PLCG2: variants seen among roughly 807,000 people sequenced by gnomAD.
The protein encoded by PLCG2 is 1-phosphatidylinositol 4,5-bisphosphate phosphodiesterase gamma-2.
A neutral mutation model predicts 175.6 loss-of-function variants in PLCG2; 69 were observed. The observed-to-expected ratio is 0.39, with a 90% CI of 0.32 to 0.48. PLCG2 has a LOEUF of 0.48. PLCG2 is among the 20% of genes least tolerant of loss of function. The pLI is 0.91. For missense variants in PLCG2, 1,798 were observed against 1,650.9 expected (o/e 1.09, Z -1.54); for synonymous variants, 827 against 624.0 (o/e 1.33, Z -4.85).
intron 2 of PLCG2, among the ~76,000 whole-genome samples, chr16:81,769,202 A>T (rs1220423286): frequency 6.6e-6 from 1 of 152,124 alleles, no homozygotes; most frequent in Non-Finnish European, 1.5e-5. Flanking sequence ...GTCTTTCTGA[A>T]ATGGTTGCCG....
At chr16:81,789,046 G>C (rs766777664) in intron 2 of PLCG2, among the ~76,000 whole-genome samples, 1 of 152,200 alleles carries the variant, frequency 6.6e-6, no homozygotes, top group Non-Finnish European at 1.5e-5. Context: ...TGTAAGTATA[G>C]GGTATTAACC....
intron 1 of PLCG2, chr16:81,783,147 T>A: frequency 2.0e-6 from 1 of 491,156 alleles, no homozygotes; most frequent in Non-Finnish European, 4.1e-6. Flanking sequence ...GGTGTTATAA[T>A]GGGGCTTGTG....
intron 31 of PLCG2, among the ~76,000 whole-genome samples, chr16:81,955,725 A>G (rs1911540474): frequency 1.3e-5 from 2 of 152,180 alleles, no homozygotes; most frequent in Non-Finnish European, 2.9e-5. Context: ...AAGAAACTCT[A>G]CCAAGAGCAC....
At chr16:81,781,115 T>C (rs1259052118) in intron 1 of PLCG2, among the ~76,000 whole-genome samples, 1 of 152,196 alleles carries the variant, frequency 6.6e-6, no homozygotes, top group Non-Finnish European at 1.5e-5. Context: ...GCCCGTTACA[T>C]CATCAGTTAA....
chr16:81,861,614 G>C (rs1387993217), intron 5 of PLCG2, among the ~76,000 whole-genome samples: 2 of 152,296 alleles, frequency 1.3e-5, no homozygotes, highest in Non-Finnish European at 2.9e-5. Context: ...TGAGGTGCTT[G>C]TGTTGGAAGA....
chr16:81,836,310 G>T (rs1011111144), intron 2 of PLCG2, among the ~76,000 whole-genome samples: 3 of 152,188 alleles, frequency 2.0e-5, no homozygotes, highest in Non-Finnish European at 4.4e-5. Context: ...TGGATCTCCT[G>T]GTGCCCTGTA....
intron 5 of PLCG2, among the ~76,000 whole-genome samples, chr16:81,868,789 A>C (rs56314015): frequency 0.097 from 14,735 of 152,268 alleles, 771 homozygotes; most frequent in Middle Eastern, 0.16. Context: ...CTCCTGCAAG[A>C]CCTTCCTCCA....
In PLCG2 at chr16:81,895,919, T is replaced by A; in HGVS notation, c.1185T>A (p.Val395=). 1.2e-6 allele frequency: 2 copies of A among 1,614,030 alleles called. No individual in the cohort carries two copies. The highest frequency in any genetic ancestry group is 1.7e-6 in the Non-Finnish European group (2 of 1,179,986). ...VVQAIKDHAF[V]TSSFPVILSI... The stretch of plus-strand genomic sequence containing the variant: ...AGGCCATCAAAGACCACGCCTTTGT[T>A]ACCTCGAGGTCAGTTGGCTGATTTC... The change falls in exon 13 of 33, where the codon GTT becomes GTA. Residue 395 remains valine, a synonymous_variant. Transcript: ENST00000564138.
At chr16:81,919,176 T>C (rs1186774321) in intron 19 of PLCG2, among the ~76,000 whole-genome samples, 1 of 152,236 alleles carries the variant, frequency 6.6e-6, no homozygotes, top group Admixed American at 6.5e-5. Context: ...TGGCCTACTC[T>C]TGACCTAGTT....
chr16:81,936,912 A>G (rs1910739062), intron 27 of PLCG2, among the ~76,000 whole-genome samples: 1 of 152,162 alleles, frequency 6.6e-6, no homozygotes, highest in South Asian at 2.1e-4. Context: ...ACAGAATGGA[A>G]CAATCATTTA....
upstream of PLCG2, among the ~76,000 whole-genome samples, chr16:81,774,337 A>C (rs2143116731): frequency 6.6e-6 from 1 of 151,992 alleles, no homozygotes; most frequent in South Asian, 2.1e-4. Flanking sequence ...GCAGTAAAAA[A>C]AACAAAACAA....
chr16:81,915,862 A>T (rs1006064841), intron 19 of PLCG2, among the ~76,000 whole-genome samples: 4 of 152,188 alleles, frequency 2.6e-5, no homozygotes, highest in Non-Finnish European at 5.9e-5. Flanking sequence ...TTGCAGGAGG[A>T]TATTCTCTCT....
intron 30 of PLCG2, among the ~76,000 whole-genome samples, chr16:81,941,533 A>T (rs141615226): frequency 4.6e-5 from 7 of 151,956 alleles, no homozygotes; most frequent in South Asian, 4.1e-4. Flanking sequence ...TAGATGAAAC[A>T]AGACTTTGGG....
intron 31 of PLCG2, 59 bp downstream of exon 31, chr16:81,946,322 A>C: frequency 8.1e-7 from 1 of 1,240,386 alleles, no homozygotes; most frequent in Non-Finnish European, 1.2e-6. Flanking sequence ...TGAGGGTAGA[A>C]ACGGCCCGTG....
intron 14 of PLCG2, among the ~76,000 whole-genome samples, chr16:81,904,293 G>C (rs372573745): frequency 3.5e-4 from 54 of 152,306 alleles, no homozygotes; most frequent in African/African-American, 1.0e-3. Context: ...AGACTCTGAT[G>C]ATGACTCAGC....
At chr16:81,779,917 C>G (rs912962685) in intron 1 of PLCG2, among the ~76,000 whole-genome samples, 10 of 152,224 alleles carry the variant, frequency 6.6e-5, no homozygotes, top group African/African-American at 2.4e-4. Context: ...TTTTGGAGAG[C>G]TTGCAGGACA....
chr16:81,959,393 A>G lies in PLCG2; in HGVS notation c.*1395A>G, dbSNP rs926119992. ...AAGATCCTTCTGGTCCCTTCACTCT[A>G]CAAAAACTTACTGATCACCTCCACA... On this transcript the variant is annotated 3_prime_UTR_variant, in exon 33 of 33. Coordinates refer to ENST00000564138, the MANE Select transcript of PLCG2 (RefSeq NM_002661.5). The G allele has an allele frequency of 1.4e-5, 3 of 221,340 alleles. No individual in the cohort carries two copies. 13.7% of individuals were successfully genotyped at this position (221,340 alleles called of 1,614,324 possible).
chr16:81,934,064 G>T (rs2143720309), intron 25 of PLCG2, among the ~76,000 whole-genome samples: 1 of 152,134 alleles, frequency 6.6e-6, no homozygotes, highest in South Asian at 2.1e-4. Flanking sequence ...AGGATTTGAA[G>T]AACTAGAATT....
In PLCG2 at chr16:81,786,129, T is replaced by C. The variant is rs777730567; in HGVS notation, c.140T>C (p.Met47Thr). 3.7e-6 allele frequency: 6 copies of C among 1,614,060 alleles called. No individual in the cohort carries two copies. The highest frequency in any genetic ancestry group is 1.6e-4 in the Middle Eastern group (1 of 6,080). ...GAGCGGAGAACCGTCCAGGTGATCA[T>C]GGAGACGCGGCAGGTGGCCTGGAGC... The part of the protein sequence containing the change: ...TPERRTVQVI[M>T]ETRQVAWSKT... The change falls in exon 2 of 33, where the codon ATG (methionine) becomes ACG (threonine). Residue 47 changes from methionine (M) to threonine (T), a missense_variant. Transcript: ENST00000564138.
Sources: allele counts gnomAD v4.1 joint callset (sites outside exome capture counted in the v4.1 genomes callset), GRCh38; gene constraint gnomAD v4.1.1; transcripts MANE v1.5; gene names NCBI Gene and HGNC (gene_info 2026-07-23, HGNC 2026-07-21).